ROBO2: variants seen among roughly 807,000 people sequenced by gnomAD.
ROBO2 encodes the protein roundabout guidance receptor 2.
In ROBO2, 53 loss-of-function variants were observed where a neutral mutation model predicts 160.8. The observed-to-expected ratio is 0.33, with a 90% confidence interval of 0.26 to 0.41. The LOEUF is 0.41. Among genes scored for constraint, ROBO2 ranks in the 10% least tolerant of loss-of-function variants. The pLI is 1.00. For missense variants in ROBO2, 1,577 were observed against 1,722.4 expected (o/e 0.92, Z 1.49); for synonymous variants, 664 against 611.7 (o/e 1.09, Z -1.26).
At chr3:76,909,139 A>G (rs2075806365) in intron 2 of ROBO2, among the ~76,000 whole-genome samples, 1 of 152,188 alleles carries the variant, frequency 6.6e-6, no homozygotes, top group Non-Finnish European at 1.5e-5. Context: ...AGGCAGGAGC[A>G]TTGCCTTGAG....
intron 2 of ROBO2, among the ~76,000 whole-genome samples, chr3:77,267,235 A>C (rs1213599089): frequency 6.6e-6 from 1 of 152,152 alleles, no homozygotes; most frequent in African/African-American, 2.4e-5. Context: ...TTCTCTCTAC[A>C]CGTAAGCGGT....
intron 2 of ROBO2, among the ~76,000 whole-genome samples, chr3:76,577,027 C>G (rs1199413832): frequency 6.6e-6 from 1 of 151,918 alleles, no homozygotes; most frequent in Non-Finnish European, 1.5e-5. Context: ...TTGTATCTAT[C>G]TCAGGAAGAC....
At chr3:76,771,294 G>A (rs1484722935) in intron 2 of ROBO2, among the ~76,000 whole-genome samples, 2 of 151,198 alleles carry the variant, frequency 1.3e-5, no homozygotes, top group South Asian at 4.1e-4. Flanking sequence ...CTATATTGGG[G>A]TTAAGCAGGA....
rs199659732 is a variant in ROBO2 at position 76,658,066 on chromosome 3, GAATAAATAAATAAATAAATA to G, written c.110-439917_110-439898del. On this transcript the variant is annotated intron_variant, in intron 2 of 26. Transcript: ENST00000487694. Reference sequence around the variant, plus strand: ...TGGGTGACAGAGCGAGATCCTGTCTGAATAAATAAATAAATAAATAAATAAATAAATAAATAAATAAATAA... The same window carrying G: ...TGGGTGACAGAGCGAGATCCTGTCTGAATAAATAAATAAATAAATAAATAA... Among the ~76,000 whole-genome samples the G allele has an allele frequency of 2.1e-3, 271 of 131,696 alleles. 1 individual carries two copies. The highest frequency in any genetic ancestry group is 6.9e-3 in the African/African-American group (242 of 35,150). 86.4% of individuals were successfully genotyped at this position (131,696 alleles called of 152,430 possible). A position where few individuals can be genotyped will look rare whatever the true frequency, so the allele number is the denominator to read the frequency against.
intron 2 of ROBO2, among the ~76,000 whole-genome samples, chr3:76,945,110 G>A (rs2078444725): frequency 6.6e-6 from 1 of 151,986 alleles, no homozygotes; most frequent in Admixed American, 6.6e-5. Context: ...GGATGGTCTG[G>A]ATCTCCTGAC....
chr3:77,588,549 T>C (rs1190647010), intron 16 of ROBO2, among the ~76,000 whole-genome samples: 1 of 152,080 alleles, frequency 6.6e-6, no homozygotes, highest in Admixed American at 6.6e-5. Flanking sequence ...GAGGTCAGTG[T>C]TCTTAATCAC....
At chr3:76,072,604 A>G (rs886195764) in intron 2 of ROBO2, among the ~76,000 whole-genome samples, 1 of 152,132 alleles carries the variant, frequency 6.6e-6, no homozygotes, top group African/African-American at 2.4e-5. Flanking sequence ...CTCCTCTTGT[A>G]TCAGCACACT....
intron 2 of ROBO2, among the ~76,000 whole-genome samples, chr3:77,326,143 C>T (rs78018795): frequency 1.3e-5 from 2 of 152,200 alleles, no homozygotes; most frequent in Admixed American, 6.5e-5. Context: ...CTGGAGTAAC[C>T]GTGTATCCAA....
intron 2 of ROBO2, among the ~76,000 whole-genome samples, chr3:77,206,178 T>G (rs1228427596): frequency 6.6e-6 from 1 of 152,102 alleles, no homozygotes; most frequent in Non-Finnish European, 1.5e-5. Flanking sequence ...TCTTATTTTA[T>G]TTTATTTTGA....
At chr3:77,100,361 T>G (rs183782940) in intron 2 of ROBO2, among the ~76,000 whole-genome samples, 1 of 152,282 alleles carries the variant, frequency 6.6e-6, no homozygotes, top group East Asian at 1.9e-4. Flanking sequence ...CAAATAATAT[T>G]CATTTATATG....
intron 2 of ROBO2, among the ~76,000 whole-genome samples, chr3:76,781,951 A>T (rs139961549): frequency 3.9e-4 from 59 of 150,814 alleles, no homozygotes; most frequent in African/African-American, 1.4e-3. Context: ...TTAATTCTTT[A>T]ATGTTTAGTA....
In ROBO2 at chr3:76,877,012, A is replaced by ATG. The variant is rs1036171498; in HGVS notation, c.110-221001_110-221000insGT. 1.6e-3 allele frequency among the ~76,000 whole-genome samples: 250 copies of ATG among 152,230 alleles called. 1 individual carries two copies. The highest frequency in any genetic ancestry group is 5.8e-3 in the African/African-American group (241 of 41,550). ...AAAAAATACATCTACATATGCATAT[A>ATG]TATATTTTACAAGTCCTAGGTAAAA... is the stretch of plus-strand genomic sequence containing the variant. On this transcript the variant is annotated intron_variant, in intron 2 of 26. Coordinates refer to the ROBO2 transcript ENST00000487694.
At chr3:77,557,953 A>C (rs762831113) in exon 9 of ROBO2, 7 of 1,612,824 alleles carry the variant, frequency 4.3e-6, no homozygotes, top group Non-Finnish European at 5.9e-6. Flanking sequence ...GTTTTGACAG[A>C]TAGACCTCCA....
intron 2 of ROBO2, among the ~76,000 whole-genome samples, chr3:76,036,844 T>A (rs913793471): frequency 1.3e-5 from 2 of 152,044 alleles, no homozygotes; most frequent in African/African-American, 2.4e-5. Flanking sequence ...ATCTATAAAA[T>A]ATTATTTATC....
rs1258405194 is a variant in ROBO2, at chr3:76,885,599, T to C, written c.110-212415T>C. On this transcript the variant is annotated intron_variant, in intron 2 of 26. Coordinates refer to the ROBO2 transcript ENST00000487694. The stretch of plus-strand genomic sequence containing the variant: ...CACACACGTGTACATGCATTGCCCA[T>C]AATTAACCCATCACAAAAGTAGATC... 7.2e-5 allele frequency among the ~76,000 whole-genome samples: 11 copies of C among 152,256 alleles called. No individual in the cohort carries two copies. The East Asian group carries it at 1.5e-3, about 21-fold the overall frequency.
chr3:76,305,431 C>CATTTGT (rs1156834405), intron 2 of ROBO2, among the ~76,000 whole-genome samples: 18 of 110,452 alleles, frequency 1.6e-4, no homozygotes, highest in African/African-American at 6.3e-4. Flanking sequence ...AAAAGAACAG[C>CATTTGT]ATTTGTTCTG....
intron 1 of ROBO2, among the ~76,000 whole-genome samples, chr3:75,926,415 A>G (rs533370357): frequency 3.3e-5 from 5 of 152,252 alleles, no homozygotes; most frequent in African/African-American, 9.6e-5. Context: ...ACAAAGTTTT[A>G]TGGTTGCTTT....
At chr3:76,953,028 T>C (rs2079048477) in intron 2 of ROBO2, among the ~76,000 whole-genome samples, 1 of 152,176 alleles carries the variant, frequency 6.6e-6, no homozygotes, top group Non-Finnish European at 1.5e-5. Flanking sequence ...CATGACAATG[T>C]ACTAATCCTG....
At chr3:76,756,763 T>C (rs72892322) in intron 2 of ROBO2, among the ~76,000 whole-genome samples, 1,998 of 151,954 alleles carry the variant, frequency 0.013, 40 homozygotes, top group African/African-American at 0.044. Flanking sequence ...CAAACCGGTT[T>C]TGATTACGAG....
Sources: allele counts gnomAD v4.1 joint callset (sites outside exome capture counted in the v4.1 genomes callset), GRCh38; gene constraint gnomAD v4.1.1; transcripts MANE v1.5; gene names NCBI Gene and HGNC (gene_info 2026-07-23, HGNC 2026-07-21).